The following NCOA7 variants were observed in gnomAD, a reference collection of about 807,000 sequenced individuals.
The protein encoded by NCOA7 is 140 kDa estrogen receptor-associated protein.
In NCOA7, 45 loss-of-function variants were observed where a neutral mutation model predicts 104.3. The ratio of observed to expected loss-of-function variants is 0.43; its 90% CI spans 0.34 to 0.55. The LOEUF (loss-of-function observed/expected upper bound fraction) is 0.55, where lower values mean the gene tolerates loss of function less well. Among genes scored for constraint, NCOA7 ranks in the 20% least tolerant of loss-of-function variants. The pLI is 0.02. For missense variants in NCOA7, 1,041 were observed against 1,119.7 expected, an observed-to-expected ratio of 0.93 and a Z score of 1.00; for synonymous variants, 398 against 402.3, an observed-to-expected ratio of 0.99 and a Z score of 0.13.
At position 125,881,073 on chromosome 6, in the gene NCOA7, T is replaced by C; in HGVS notation, c.460-17T>C. On this transcript the variant is annotated splice_polypyrimidine_tract_variant and intron_variant, in intron 5 of 15. Transcript: ENST00000392477. ...CTGGTTGCTGGTACTCACCCATCTG[T>C]TCTCTCCCATTCTCAGGTCCTTTTT... 1.9e-6 allele frequency: 3 copies of C among 1,556,914 alleles called. No individual in the cohort carries two copies. The highest frequency in any genetic ancestry group is 2.7e-6 in the Non-Finnish European group (3 of 1,128,110).
intron 13 of NCOA7, among the ~76,000 whole-genome samples, chr6:125,927,063 C>T (rs1293532987): frequency 3.3e-5 from 5 of 152,162 alleles, no homozygotes; most frequent in Admixed American, 3.3e-4. Flanking sequence ...TAAATAACTC[C>T]ATGATATTAC....
chr6:125,789,194 A>C (rs1435838854), upstream of NCOA7, among the ~76,000 whole-genome samples: 2 of 152,192 alleles, frequency 1.3e-5, no homozygotes, highest in East Asian at 3.9e-4. Flanking sequence ...AAATAATAAT[A>C]GTTATCTTTT....
intron 4 of NCOA7, among the ~76,000 whole-genome samples, chr6:125,875,992 TGGG>T (rs1783339846): frequency 6.6e-6 from 1 of 152,180 alleles, no homozygotes; most frequent in African/African-American, 2.4e-5. Flanking sequence ...TGGCACAAAG[TGGG>T]GACTCAGTTG....
rs114458159 is a variant in NCOA7, at chr6:125,891,405, A to G, written c.2096+595A>G. Among the ~76,000 whole-genome samples the G allele has an allele frequency of 4.3e-3, 653 of 152,342 alleles. 4 individuals are homozygous for G. The highest frequency in any genetic ancestry group is 0.012 in the African/African-American group (480 of 41,580). The stretch of plus-strand genomic sequence containing the variant: ...AGTGGCATAGAAATTCTTCAACAGT[A>G]TATCACTGAGGATGTCTTTATAATA... On this transcript the variant is annotated intron_variant, in intron 10 of 15. Coordinates refer to ENST00000392477, the MANE Select transcript of NCOA7 (RefSeq NM_181782.5).
upstream of NCOA7, among the ~76,000 whole-genome samples, chr6:125,788,607 C>T (rs1379748898): frequency 6.6e-6 from 1 of 151,130 alleles, no homozygotes; most frequent in African/African-American, 2.4e-5. Flanking sequence ...GCAATCTCCG[C>T]TCGCTGCAAC....
intron 1 of NCOA7, among the ~76,000 whole-genome samples, chr6:125,781,799 C>A (rs1774237638): frequency 6.6e-6 from 1 of 152,236 alleles, no homozygotes; most frequent in Non-Finnish European, 1.5e-5. Flanking sequence ...ACCAGTGTTA[C>A]CAGCTTCTTC....
chr6:125,874,954 A>G lies in NCOA7; in HGVS notation c.337A>G (p.Thr113Ala), dbSNP rs1168406326. The change falls in exon 4 of 16, where the codon ACT (threonine) becomes GCT (alanine). Residue 113 changes from threonine to alanine, a missense_variant. Around this residue, in one of 2 missense-constraint regions of NCOA7, gnomAD observed 914 missense variants for 942.7 expected, o/e 0.97. Coordinates refer to ENST00000392477, the MANE Select transcript of NCOA7 (RefSeq NM_181782.5). ...KKMVVQKPHG[T>A]MEYTAGNQDT... ...GATGGTGGTTCAGAAGCCCCATGGGACTATGGAATACACTGTGAGTATAAC... is the reference window on the plus strand; with the variant it reads ...GATGGTGGTTCAGAAGCCCCATGGGGCTATGGAATACACTGTGAGTATAAC... 6.2e-7 allele frequency: 1 copy of G among 1,612,546 alleles called. No homozygotes were observed. Among genetic ancestry groups the G allele is most frequent in the East Asian group, 2.2e-5 (1 of 44,848 alleles).
intron 1 of NCOA7, among the ~76,000 whole-genome samples, chr6:125,812,213 T>C (rs1366155512): frequency 1.3e-5 from 2 of 152,156 alleles, no homozygotes; most frequent in East Asian, 3.9e-4. Flanking sequence ...CTAGCCCCTT[T>C]CACTTCTATC....
chr6:125,868,126 A>T (rs955922361), intron 3 of NCOA7, among the ~76,000 whole-genome samples: 20 of 152,124 alleles, frequency 1.3e-4, no homozygotes, highest in Admixed American at 3.3e-4. Context: ...AACAGTTGGA[A>T]TTTTTTTGTT....
intron 10 of NCOA7, among the ~76,000 whole-genome samples, chr6:125,913,999 A>G (rs1786819387): frequency 6.6e-6 from 1 of 152,246 alleles, no homozygotes; most frequent in South Asian, 2.1e-4. Context: ...ACAAACTGCA[A>G]TGCTGACGTC....
At chr6:125,855,289 A>G (rs1403723392) in intron 3 of NCOA7, 49 bp downstream of exon 3, 15 of 1,414,342 alleles carry the variant, frequency 1.1e-5, no homozygotes, top group Non-Finnish European at 1.5e-5. Context: ...AAAATCTATA[A>G]GAATTTTTAA....
At chr6:125,907,137 G>A (rs1786083863) in intron 10 of NCOA7, among the ~76,000 whole-genome samples, 3 of 152,192 alleles carry the variant, frequency 2.0e-5, no homozygotes, top group Admixed American at 2.0e-4. Flanking sequence ...CATAGCATGA[G>A]GGCCCTGTCT....
intron 1 of NCOA7, among the ~76,000 whole-genome samples, chr6:125,814,883 G>C (rs1027002778): frequency 1.3e-5 from 2 of 152,092 alleles, no homozygotes; most frequent in Non-Finnish European, 2.9e-5. Flanking sequence ...AAACACCTAA[G>C]TGAGCCATTT....
At chr6:125,781,139 C>A (rs781029762), upstream of NCOA7, 1 of 152,242 alleles carries the variant, frequency 6.6e-6, no homozygotes, top group African/African-American at 2.4e-5. Context: ...AGTCAAGACA[C>A]CTTACAGCCC....
chr6:125,798,671 A>G (rs1775574109), intron 1 of NCOA7, among the ~76,000 whole-genome samples: 1 of 152,228 alleles, frequency 6.6e-6, no homozygotes, highest in Admixed American at 6.5e-5. Flanking sequence ...ATTTGATTTT[A>G]AGATGCATTT....
chr6:125,805,571 C>A (rs1339297849), intron 1 of NCOA7, among the ~76,000 whole-genome samples: 2 of 152,168 alleles, frequency 1.3e-5, no homozygotes, highest in East Asian at 3.8e-4. Flanking sequence ...TGAATAAATT[C>A]TTTAATTGTT....
At chr6:125,805,521 G>A (rs143204317) in intron 1 of NCOA7, among the ~76,000 whole-genome samples, 4 of 152,294 alleles carry the variant, frequency 2.6e-5, no homozygotes, top group African/African-American at 9.6e-5. Context: ...GTCAGACAGA[G>A]CTGATCATTC....
intron 8 of NCOA7, among the ~76,000 whole-genome samples, chr6:125,888,190 G>A (rs1784388313): frequency 6.6e-6 from 1 of 152,170 alleles, no homozygotes; most frequent in African/African-American, 2.4e-5. Flanking sequence ...CTGCACCATT[G>A]CTATAAAGTA....
intron 1 of NCOA7, among the ~76,000 whole-genome samples, chr6:125,806,178 T>C (rs555371310): frequency 1.3e-5 from 2 of 152,164 alleles, no homozygotes; most frequent in African/African-American, 2.4e-5. Context: ...CCATCTCTAC[T>C]AAAAATACAA....
Sources: allele counts gnomAD v4.1 joint callset (sites outside exome capture counted in the v4.1 genomes callset), GRCh38; gene constraint gnomAD v4.1.1; regional missense constraint gnomAD v4.1.1; transcripts MANE v1.5; gene names NCBI Gene and HGNC (gene_info 2026-07-23, HGNC 2026-07-21).